Variants in MAP4 observed in about 807,000 individuals in gnomAD.
MAP4 encodes the protein microtubule associated protein 4.
Under a neutral mutation model 170.2 loss-of-function variants are expected in MAP4, and 76 were observed. The ratio of observed to expected loss-of-function variants is 0.45; its 90% confidence interval spans 0.37 to 0.54. MAP4 has a LOEUF of 0.54. Ranked by LOEUF, MAP4 falls within the 20% of genes least tolerant of loss-of-function variation. MAP4 has a pLI of 0.00. For synonymous variants in MAP4, 909 were observed against 994.5 expected (o/e 0.91, Z 1.62); for missense variants, 2,506 against 2,748.0 (o/e 0.91, Z 1.97).
rs187703175 is a variant in MAP4 at position 47,934,714 on chromosome 3, T to C, written c.293-6364A>G. Among the ~76,000 whole-genome samples, 611 of 152,282 alleles carry C rather than the reference T, an allele frequency of 4.0e-3. 1 individual carries two copies. Among genetic ancestry groups the C allele is most frequent in the Non-Finnish European group, 6.7e-3 (454 of 68,034 alleles). On this transcript the variant is annotated intron_variant, in intron 3 of 20. Coordinates refer to ENST00000683076, the MANE Select transcript of MAP4 (RefSeq NM_001385682.1). Reference sequence around the variant, plus strand: ...CTCTTTCCTTGTTTTTTTGTTTTTTTCCCCCAGTGGTAACCTCAGAACTTT... The same window carrying C: ...CTCTTTCCTTGTTTTTTTGTTTTTTCCCCCCAGTGGTAACCTCAGAACTTT...
chr3:47,931,656 ATTTTTT>A (rs35456237), intron 3 of MAP4, among the ~76,000 whole-genome samples: 7 of 131,400 alleles, frequency 5.3e-5, no homozygotes, highest in Admixed American at 8.2e-5. Flanking sequence ...TTTAAACAAA[ATTTTTT>A]TTTTTTTTTT....
At chr3:48,010,417 A>G (rs913166129) in intron 1 of MAP4, among the ~76,000 whole-genome samples, 1 of 152,202 alleles carries the variant, frequency 6.6e-6, no homozygotes, top group African/African-American at 2.4e-5. Flanking sequence ...ATCATGTGAC[A>G]TAAGATTTAT....
At chr3:47,925,366 C>T (rs1204339547) in intron 4 of MAP4, among the ~76,000 whole-genome samples, 11 of 152,114 alleles carry the variant, frequency 7.2e-5, no homozygotes, top group Non-Finnish European at 1.6e-4. Flanking sequence ...CCCTTGCTGG[C>T]TCCTCTTCTT....
At chr3:47,914,564 A>G (rs1376132691) in intron 8 of MAP4, among the ~76,000 whole-genome samples, 2 of 151,172 alleles carry the variant, frequency 1.3e-5, no homozygotes, top group South Asian at 2.1e-4. Context: ...AAAAAAAAAC[A>G]ACGACAACAA....
intron 3 of MAP4, among the ~76,000 whole-genome samples, chr3:47,954,941 T>G (rs2100066769): frequency 6.6e-6 from 1 of 152,180 alleles, no homozygotes. Context: ...TAGTAAGGGC[T>G]AAATGGAAGC....
chr3:48,009,090 T>TTTGTTG (rs371280122), intron 1 of MAP4, among the ~76,000 whole-genome samples: 6 of 151,778 alleles, frequency 4.0e-5, no homozygotes, highest in African/African-American at 7.2e-5. Flanking sequence ...GTTTTTTTGG[T>TTTGTTG]TTGTTGTTGT....
At chr3:47,891,185 C>A (rs201052350) in intron 10 of MAP4, 10 of 1,536,024 alleles carry the variant, frequency 6.5e-6, no homozygotes, top group Non-Finnish European at 8.7e-6. Flanking sequence ...ATCTTCCTGC[C>A]CTTTTTCCTT....
intron 10 of MAP4, chr3:47,892,588 G>A: frequency 1.4e-6 from 2 of 1,430,952 alleles, no homozygotes. Flanking sequence ...CAATTCCCCA[G>A]TATTCATGAC....
chr3:48,054,407 G>C (rs967595805), intron 1 of MAP4, among the ~76,000 whole-genome samples: 2 of 151,930 alleles, frequency 1.3e-5, no homozygotes, highest in Non-Finnish European at 2.9e-5. Flanking sequence ...TGGATCATGA[G>C]GTCAGAAGTT....
upstream of MAP4, among the ~76,000 whole-genome samples, chr3:48,020,595 G>A (rs1234698368): frequency 6.6e-6 from 1 of 151,932 alleles, no homozygotes; most frequent in Non-Finnish European, 1.5e-5. Flanking sequence ...AGGAGGGGGG[G>A]AATATCATTA....
chr3:47,868,673 CATACCTAT>C (rs763317094), intron 16 of MAP4, among the ~76,000 whole-genome samples: 3 of 152,198 alleles, frequency 2.0e-5, no homozygotes, highest in Non-Finnish European at 4.4e-5. Flanking sequence ...GTTGATGCTG[CATACCTAT>C]ACTAAGTGGG....
At chr3:47,990,647 T>A (rs2100091595) in intron 2 of MAP4, among the ~76,000 whole-genome samples, 1 of 152,120 alleles carries the variant, frequency 6.6e-6, no homozygotes, top group African/African-American at 2.4e-5. Flanking sequence ...TGTCTGAGGG[T>A]CAATACTGTG....
intron 2 of MAP4, among the ~76,000 whole-genome samples, chr3:47,983,541 C>T (rs1326657117): frequency 6.6e-6 from 1 of 152,096 alleles, no homozygotes; most frequent in Non-Finnish European, 1.5e-5. Flanking sequence ...CATGTGCCAC[C>T]ATGCCCGGCT....
intron 1 of MAP4, among the ~76,000 whole-genome samples, chr3:48,046,986 C>T (rs1438036814): frequency 6.6e-5 from 10 of 151,300 alleles, no homozygotes; most frequent in Non-Finnish European, 1.3e-4. Flanking sequence ...CCCAGCTACT[C>T]GGGAGGCTGA....
At chr3:47,982,149 T>C (rs2100085750) in intron 2 of MAP4, among the ~76,000 whole-genome samples, 2 of 152,050 alleles carry the variant, frequency 1.3e-5, no homozygotes, top group East Asian at 1.9e-4. Context: ...TAGGATTAAG[T>C]GAAAATGAAG....
chr3:48,012,916 G>C (rs529750736), intron 1 of MAP4, among the ~76,000 whole-genome samples: 1 of 151,372 alleles, frequency 6.6e-6, no homozygotes, highest in Non-Finnish European at 1.5e-5. Context: ...CCCCCTTATG[G>C]AAAATGATCC....
intron 10 of MAP4, among the ~76,000 whole-genome samples, chr3:47,885,239 A>G (rs2097373851): frequency 6.6e-6 from 1 of 152,168 alleles, no homozygotes; most frequent in African/African-American, 2.4e-5. Flanking sequence ...GACAAAAAGA[A>G]AACCCAGGGG....
At chr3:48,010,390 A>G (rs1344731920) in intron 1 of MAP4, among the ~76,000 whole-genome samples, 6 of 152,144 alleles carry the variant, frequency 3.9e-5, no homozygotes, top group Non-Finnish European at 1.5e-5. Flanking sequence ...TCTTCACTTT[A>G]TATTTCCTTT....
At chr3:48,078,322 T>A (rs1316536530) in intron 1 of MAP4, among the ~76,000 whole-genome samples, 4 of 150,076 alleles carry the variant, frequency 2.7e-5, no homozygotes, top group Non-Finnish European at 4.4e-5. Flanking sequence ...TTTTTTTTTT[T>A]TTTTTTTTTT....
Sources: allele counts gnomAD v4.1 joint callset (sites outside exome capture counted in the v4.1 genomes callset), GRCh38; gene constraint gnomAD v4.1.1; transcripts MANE v1.5; gene names NCBI Gene and HGNC (gene_info 2026-07-23, HGNC 2026-07-21).